Variants in KCNN3 observed in about 807,000 individuals in gnomAD.
KCNN3 encodes small conductance calcium-activated potassium channel protein 3.
Under a neutral mutation model 62.9 loss-of-function variants are expected in KCNN3, and 16 were observed. The ratio of observed to expected loss-of-function variants is 0.25; its 90% CI spans 0.17 to 0.39. The LOEUF (loss-of-function observed/expected upper bound fraction) is 0.39, where lower values mean the gene tolerates loss of function less well. Ranked by LOEUF, KCNN3 falls within the 10% of genes least tolerant of loss-of-function variation. KCNN3 has a pLI of 1.00. For synonymous variants in KCNN3, 370 were observed against 389.2 expected (o/e 0.95, Z 0.58); for missense variants, 599 against 949.4 (o/e 0.63, Z 4.85).
At chr1:154,759,837 C>T (rs1647917144) in intron 3 of KCNN3, among the ~76,000 whole-genome samples, 1 of 152,136 alleles carries the variant, frequency 6.6e-6, no homozygotes, top group South Asian at 2.1e-4. Context: ...TGGGGATTGA[C>T]TTGACTGAAA....
In KCNN3 at chr1:154,772,795, G is replaced by A. The variant is rs1243908182; in HGVS notation, c.1030-402C>T. Among the ~76,000 whole-genome samples, 2 of 152,100 alleles carry A rather than the reference G, an allele frequency of 1.3e-5. No homozygotes were observed. Among genetic ancestry groups the A allele is most frequent in the Non-Finnish European group, 2.9e-5 (2 of 68,022 alleles). Reference sequence around the variant, plus strand: ...AGATGACTAGTGGCTGGGGTCGGTCGGGGTGGGGATCCAGGGTGGCCTCAG... The same window carrying A: ...AGATGACTAGTGGCTGGGGTCGGTCAGGGTGGGGATCCAGGGTGGCCTCAG... On this transcript the variant is annotated intron_variant, in intron 2 of 7. Coordinates refer to ENST00000271915, the MANE Select transcript of KCNN3 (RefSeq NM_002249.6). The surrounding 1 kb of genome is among the most constrained non-coding windows in gnomAD (Gnocchi z 5.6).
chr1:154,763,202 A>T (rs1178118037), intron 3 of KCNN3, among the ~76,000 whole-genome samples: 1 of 152,114 alleles, frequency 6.6e-6, no homozygotes, highest in Non-Finnish European at 1.5e-5. Flanking sequence ...TTTTTTCTCA[A>T]TTAAATTTAT....
chr1:154,708,088 G>A lies in KCNN3; in HGVS notation c.2084C>T (p.Ala695Val). ...GCCCACTGCCACGCTGACACCCCGG[G>A]CCTCGATGATGGCAGACAGGAGCTG... ...QQQLLSAIIE[A>V]RGVSVAVGTT... The change falls in exon 8 of 8, where the codon GCC (alanine) becomes GTC (valine). Residue 695 changes from alanine to valine, a missense_variant. By Grantham distance (64) the Ala-to-Val change is moderately conservative (BLOSUM62 0). This residue lies in a region of KCNN3 where 52 missense variants were observed against 53.3 expected (regional missense o/e 0.98). Transcript: ENST00000271915. 1 of 1,613,954 alleles carries A rather than the reference G, an allele frequency of 6.2e-7. No individual in the cohort carries two copies. Among genetic ancestry groups the A allele is most frequent in the South Asian group, 1.1e-5 (1 of 91,070 alleles).
At chr1:154,770,410 A>G (rs1481141890) in intron 3 of KCNN3, among the ~76,000 whole-genome samples, 4 of 152,342 alleles carry the variant, frequency 2.6e-5, no homozygotes, top group African/African-American at 9.6e-5. Context: ...CAAGGCACCC[A>G]TGTAGGGTGT....
At chr1:154,855,956 C>T (rs1457006477) in intron 1 of KCNN3, among the ~76,000 whole-genome samples, 3 of 152,148 alleles carry the variant, frequency 2.0e-5, no homozygotes, top group Non-Finnish European at 4.4e-5. Context: ...CGCCAAGGGT[C>T]CTTGAGTCAG....
At chr1:154,770,447 CT>C (rs1648496484) in intron 3 of KCNN3, among the ~76,000 whole-genome samples, 1 of 152,210 alleles carries the variant, frequency 6.6e-6, no homozygotes, top group Non-Finnish European at 1.5e-5. Context: ...CTCCAGACTT[CT>C]TTGTCTTGTT....
At chr1:154,828,048 C>T (rs576033044) in intron 1 of KCNN3, among the ~76,000 whole-genome samples, 2 of 152,216 alleles carry the variant, frequency 1.3e-5, no homozygotes, top group Non-Finnish European at 2.9e-5. Context: ...CTGGGGACTC[C>T]AGAGGGCAGC....
At chr1:154,732,832 C>A (rs1284718751) in intron 4 of KCNN3, among the ~76,000 whole-genome samples, 171 bp downstream of exon 4, 1 of 152,210 alleles carries the variant, frequency 6.6e-6, no homozygotes, top group Admixed American at 6.5e-5. Context: ...AGTGAGAAAC[C>A]ATTGCAGATT....
intron 5 of KCNN3, among the ~76,000 whole-genome samples, chr1:154,723,611 A>G (rs570462759): frequency 1.3e-5 from 2 of 152,320 alleles, no homozygotes; most frequent in African/African-American, 4.8e-5. Context: ...CGTCTGATCT[A>G]CTTGGTGAAA....
chr1:154,739,637 A>G (rs1418211410), intron 3 of KCNN3, among the ~76,000 whole-genome samples: 1 of 152,188 alleles, frequency 6.6e-6, no homozygotes. Context: ...TGTGGGCTGG[A>G]CCAAGTAACT....
intron 6 of KCNN3, among the ~76,000 whole-genome samples, chr1:154,713,931 G>T: frequency 9.7e-6 from 1 of 102,836 alleles, no homozygotes; most frequent in Non-Finnish European, 2.2e-5. Flanking sequence ...CATCAGCCAC[G>T]GTTTGTTTTG....
chr1:154,755,165 C>T (rs1055883044), intron 3 of KCNN3, among the ~76,000 whole-genome samples: 1 of 152,154 alleles, frequency 6.6e-6, no homozygotes, highest in African/African-American at 2.4e-5. Context: ...TTGTATTACT[C>T]TCCTATTTAA....
intron 1 of KCNN3, among the ~76,000 whole-genome samples, chr1:154,844,292 A>T (rs756273185): frequency 9.9e-5 from 15 of 152,250 alleles, no homozygotes; most frequent in African/African-American, 1.4e-4. Flanking sequence ...AATGGAGAGT[A>T]AGAGACAAGG....
At chr1:154,744,948 G>A (rs1230292615) in intron 3 of KCNN3, among the ~76,000 whole-genome samples, 6 of 144,960 alleles carry the variant, frequency 4.1e-5, no homozygotes, top group East Asian at 2.1e-4. Flanking sequence ...AAAATAGTTC[G>A]TTCTTTTCTC....
intron 3 of KCNN3, among the ~76,000 whole-genome samples, chr1:154,741,080 A>T (rs536786556): frequency 1.3e-3 from 199 of 152,334 alleles, no homozygotes; most frequent in African/African-American, 4.5e-3. Flanking sequence ...TACATATTTT[A>T]AAATGTTGCC....
chr1:154,742,032 T>C (rs1557951971), intron 3 of KCNN3, among the ~76,000 whole-genome samples: 2 of 152,258 alleles, frequency 1.3e-5, no homozygotes, highest in African/African-American at 2.4e-5. Flanking sequence ...ACTGCCCTCC[T>C]CTGGCATCTG....
intron 6 of KCNN3, 122 bp from the exon 7 acceptor site, chr1:154,713,655 C>T (rs1342149388): frequency 2.6e-6 from 2 of 781,652 alleles, no homozygotes; most frequent in Admixed American, 1.9e-5. Flanking sequence ...GACCGTGAAC[C>T]TGGGGAACAA....
intron 1 of KCNN3, among the ~76,000 whole-genome samples, chr1:154,830,430 T>C (rs1476221996): frequency 2.6e-5 from 4 of 152,220 alleles, no homozygotes; most frequent in Non-Finnish European, 5.9e-5. Flanking sequence ...GCCCTGCCCT[T>C]ACCGGTCCCA....
At chr1:154,794,546 G>A (rs1384666095) in intron 2 of KCNN3, among the ~76,000 whole-genome samples, 3 of 152,166 alleles carry the variant, frequency 2.0e-5, no homozygotes, top group African/African-American at 7.2e-5. Flanking sequence ...ATTATAGAGG[G>A]TAGACTATTG....
Sources: gnomAD v4.1 joint callset for allele counts (sites outside exome capture counted in the v4.1 genomes callset) on GRCh38, gnomAD v4.1.1 for gene constraint, gnomAD v4.1.1 regional missense constraint, Gnocchi (gnomAD v3.1) non-coding constraint, MANE v1.5 for transcripts, NCBI Gene and HGNC (gene_info 2026-07-23, HGNC 2026-07-21) for gene names.